GNAI1: variants seen among roughly 807,000 people sequenced by gnomAD.
GNAI1 encodes the protein guanine nucleotide-binding protein G(i) subunit alpha-1.
In GNAI1, 11 loss-of-function variants were observed where a neutral mutation model predicts 38.9. That is an observed-to-expected ratio of 0.28 (90% CI 0.18 to 0.47). The LOEUF (loss-of-function observed/expected upper bound fraction) is 0.47, where lower values mean the gene tolerates loss of function less well. Among genes scored for constraint, GNAI1 ranks in the 20% least tolerant of loss-of-function variants. The pLI is 0.99. For synonymous variants in GNAI1, 166 were observed against 145.1 expected, an observed-to-expected ratio of 1.14 and a Z score of -1.04; for missense variants, 317 against 436.9, an observed-to-expected ratio of 0.73 and a Z score of 2.45.
chr7:80,224,591 T>G lies in GNAI1; in HGVS notation c.*7098T>G, dbSNP rs1789129167. Among the ~76,000 whole-genome samples, 3 of 152,208 alleles carry G rather than the reference T, an allele frequency of 2.0e-5. No individual in the cohort carries two copies. The highest frequency in any genetic ancestry group is 2.9e-5 in the Non-Finnish European group (2 of 68,042). Reference sequence around the variant, plus strand: ...CCAACAGCATTGCCTGAACAGATGTTAATAAGTATGCATGATGCACATTAG... The same window carrying G: ...CCAACAGCATTGCCTGAACAGATGTGAATAAGTATGCATGATGCACATTAG... On this transcript the variant is annotated 3_prime_UTR_variant, in exon 8 of 8. Coordinates refer to ENST00000649796, the MANE Select transcript of GNAI1 (RefSeq NM_002069.6).
chr7:80,135,471 CG>C, intron 1 of GNAI1, 193 bp downstream of exon 1: 1 of 412,894 alleles, frequency 2.4e-6, no homozygotes, highest in South Asian at 9.1e-5. Context: ...TCCGCCCCGG[CG>C]GGCGAGGACT....
At chr7:80,182,717 A>G (rs1387821138) in intron 1 of GNAI1, among the ~76,000 whole-genome samples, 1 of 151,100 alleles carries the variant, frequency 6.6e-6, no homozygotes, top group Non-Finnish European at 1.5e-5. Context: ...CCAGATTGTG[A>G]TGTACATCTA....
chr7:80,151,017 A>G (rs1211878255), intron 1 of GNAI1, among the ~76,000 whole-genome samples: 1 of 152,202 alleles, frequency 6.6e-6, no homozygotes, highest in Non-Finnish European at 1.5e-5. Flanking sequence ...GTTTATTTAC[A>G]GAATATTGTT....
intron 7 of GNAI1, 117 bp from the exon 8 acceptor site, chr7:80,217,186 C>T: frequency 1.8e-6 from 1 of 556,772 alleles, no homozygotes; most frequent in Non-Finnish European, 3.1e-6. Flanking sequence ...GTTAAGGAGT[C>T]CATGAATGAA....
chr7:80,137,808 C>T (rs1787452581), intron 1 of GNAI1, among the ~76,000 whole-genome samples: 2 of 152,168 alleles, frequency 1.3e-5, no homozygotes, highest in African/African-American at 4.8e-5. Context: ...CTGTCTTATC[C>T]CCGTTCTAGT....
At chr7:80,205,053 C>T (rs1035086979) in intron 5 of GNAI1, among the ~76,000 whole-genome samples, 8 of 152,072 alleles carry the variant, frequency 5.3e-5, no homozygotes, top group African/African-American at 1.9e-4. Context: ...TTTAAAATGT[C>T]ACATGTCCCA....
At chr7:80,205,783 C>G (rs1278882867) in intron 5 of GNAI1, among the ~76,000 whole-genome samples, 1 of 152,094 alleles carries the variant, frequency 6.6e-6, no homozygotes. Context: ...AGTAATTTAT[C>G]TGCATTTGGT....
intron 1 of GNAI1, among the ~76,000 whole-genome samples, chr7:80,180,232 T>A (rs1562833845): frequency 6.6e-6 from 1 of 152,186 alleles, no homozygotes; most frequent in Non-Finnish European, 1.5e-5. Flanking sequence ...TAAATTATTT[T>A]CATAAATGTG....
chr7:80,147,374 T>TTA (rs1554346638), intron 1 of GNAI1, among the ~76,000 whole-genome samples: 4 of 139,338 alleles, frequency 2.9e-5, no homozygotes, highest in African/African-American at 1.1e-4. Flanking sequence ...GTATCCTTAT[T>TTA]AAAAAAAAAA....
intron 1 of GNAI1, among the ~76,000 whole-genome samples, chr7:80,172,840 T>C (rs920775610): frequency 1.3e-5 from 2 of 152,188 alleles, no homozygotes; most frequent in African/African-American, 4.8e-5. Context: ...ACTTTCATCT[T>C]GCATGTTTAT....
chr7:80,135,454 G>A (rs1030732251), intron 1 of GNAI1, 176 bp downstream of exon 1: 50 of 424,900 alleles, frequency 1.2e-4, no homozygotes, highest in Non-Finnish European at 2.0e-4. Context: ...CCGGTGTCTG[G>A]TCTCTCTCCG....
At chr7:80,145,776 A>G (rs1210913733) in intron 1 of GNAI1, among the ~76,000 whole-genome samples, 2 of 151,906 alleles carry the variant, frequency 1.3e-5, no homozygotes, top group Non-Finnish European at 2.9e-5. Flanking sequence ...ATAATTTTTC[A>G]TTTGTGAGCA....
At chr7:80,158,963 C>T (rs768599825) in intron 1 of GNAI1, among the ~76,000 whole-genome samples, 6 of 152,142 alleles carry the variant, frequency 3.9e-5, no homozygotes, top group Non-Finnish European at 5.9e-5. Flanking sequence ...AAGCTGTTGA[C>T]GTTAGAGGTG....
intron 1 of GNAI1, among the ~76,000 whole-genome samples, chr7:80,178,617 T>C (rs866255017): frequency 1.3e-5 from 2 of 152,240 alleles, no homozygotes; most frequent in Non-Finnish European, 2.9e-5. Flanking sequence ...AGTAATAAAG[T>C]ATTTTTTATT....
At chr7:80,192,269 G>A (rs1788495533) in intron 3 of GNAI1, among the ~76,000 whole-genome samples, 1 of 151,926 alleles carries the variant, frequency 6.6e-6, no homozygotes, top group South Asian at 2.1e-4. Flanking sequence ...TAGAATGTTT[G>A]TAGTTTTATT....
intron 7 of GNAI1, among the ~76,000 whole-genome samples, chr7:80,214,794 C>A (rs3890739): frequency 0.29 from 44,332 of 151,966 alleles, 7,663 homozygotes; most frequent in African/African-American, 0.48. Flanking sequence ...TCTTCTTTTT[C>A]CTGTATGTTG....
At chr7:80,184,119 C>T (rs1788348692) in intron 1 of GNAI1, among the ~76,000 whole-genome samples, 1 of 152,058 alleles carries the variant, frequency 6.6e-6, no homozygotes, top group African/African-American at 2.4e-5. Context: ...TTACCAGTAG[C>T]GAATCTGATG....
chr7:80,159,345 T>C (rs573749202), intron 1 of GNAI1, among the ~76,000 whole-genome samples: 5 of 152,286 alleles, frequency 3.3e-5, no homozygotes, highest in Admixed American at 3.3e-4. Context: ...GCTGTGTACA[T>C]TGATACCCTG....
In GNAI1 at chr7:80,194,460, G is replaced by A. The variant is rs530823575; in HGVS notation, c.304-4765G>A. On this transcript the variant is annotated intron_variant, in intron 3 of 7. Transcript: ENST00000649796. ...ATGGTAATATTGTATTTTAAAAAAT[G>A]TTTAAAATTCCCGTTATTTCTTCCA... Among the ~76,000 whole-genome samples, 11 of 152,154 alleles carry A rather than the reference G, an allele frequency of 7.2e-5. No homozygotes were observed. The East Asian group carries it at 1.7e-3, about 24-fold the overall frequency.
Sources: allele counts gnomAD v4.1 joint callset (sites outside exome capture counted in the v4.1 genomes callset), GRCh38; gene constraint gnomAD v4.1.1; transcripts MANE v1.5; gene names NCBI Gene and HGNC (gene_info 2026-07-23, HGNC 2026-07-21).